TMCO1: variants seen among roughly 807,000 people sequenced by gnomAD.
The protein encoded by TMCO1 is calcium load-activated calcium channel.
A neutral mutation model predicts 29.3 loss-of-function variants in TMCO1; 29 were observed. The ratio of observed to expected loss-of-function variants is 0.99; its 90% confidence interval spans 0.74 to 1.35. The LOEUF is 1.35. Ranked by LOEUF, TMCO1 falls within the 40% of genes most tolerant of loss-of-function variation. The probability of loss-of-function intolerance (pLI) is 0.00; values close to 1 mark genes in which losing one functional copy is unlikely to be tolerated. For missense variants in TMCO1, 173 were observed against 225.5 expected (o/e 0.77, Z 1.49); for synonymous variants, 80 against 77.1 (o/e 1.04, Z -0.20).
Position 165,768,813 on chromosome 1 carries a change from G to C in TMCO1, c.-62C>G, listed in dbSNP as rs746449477. 13 of 1,611,230 alleles carry C rather than the reference G, an allele frequency of 8.1e-6. No homozygotes were observed. In the Admixed American group the frequency reaches 1.2e-4, roughly 15 times the overall value. On this transcript the variant is annotated 5_prime_UTR_variant, in exon 1 of 7. Transcript: ENST00000367881. The stretch of plus-strand genomic sequence containing the variant: ...GGAAAGCGCTCTACAGCCAGGAAAA[G>C]TGAAGCGAAAACGGCTTCCGTAGAC...
intron 2 of TMCO1, 34 bp from the exon 3 acceptor site, chr1:165,759,618 C>G: frequency 6.5e-7 from 1 of 1,548,478 alleles, no homozygotes; most frequent in Non-Finnish European, 8.9e-7. Context: ...TAAAAATTAA[C>G]TGGATTATAC....
downstream of TMCO1, chr1:165,726,488 T>A (rs889244067): frequency 5.6e-6 from 3 of 532,940 alleles, no homozygotes; most frequent in Admixed American, 4.5e-5. Flanking sequence ...ACTATTAGGC[T>A]TTACACTGGT....
At chr1:165,755,409 G>A (rs1397159850) in intron 3 of TMCO1, among the ~76,000 whole-genome samples, 1 of 152,032 alleles carries the variant, frequency 6.6e-6, no homozygotes, top group Admixed American at 6.6e-5. Flanking sequence ...GGCCATGTGT[G>A]GTAGCCCACA....
intron 3 of TMCO1, among the ~76,000 whole-genome samples, chr1:165,757,173 C>T (rs1652226550): frequency 6.6e-6 from 1 of 152,122 alleles, no homozygotes. Flanking sequence ...AAACAGTTTC[C>T]ACAATTTCTT....
chr1:165,768,343 GAGA>G (rs1298704876), intron 1 of TMCO1, 74 bp from the exon 2 acceptor site: 10 of 1,539,506 alleles, frequency 6.5e-6, no homozygotes, highest in Middle Eastern at 1.7e-4. Context: ...GTTACTGTTG[GAGA>G]AGGAGGAATT....
chr1:165,724,852 T>C, downstream of TMCO1: 1 of 453,902 alleles, frequency 2.2e-6, no homozygotes, highest in Non-Finnish European at 4.4e-6. Flanking sequence ...TATTTACAGA[T>C]AAATGATAAG....
chr1:165,754,743 C>G (rs1652131530), intron 3 of TMCO1: 2 of 164,146 alleles, frequency 1.2e-5, no homozygotes, highest in South Asian at 3.2e-4. Context: ...TGGGCAATCC[C>G]AGCTCTTTGG....
intron 5 of TMCO1, 61 bp from the exon 6 acceptor site, chr1:165,743,372 C>G (rs768814049): frequency 2.3e-5 from 35 of 1,552,862 alleles, no homozygotes; most frequent in Non-Finnish European, 3.0e-5. Context: ...TTTCTTACTT[C>G]CAAAGAAGAA....
chr1:165,725,306 G>T (rs541040942), downstream of TMCO1: 17 of 453,938 alleles, frequency 3.7e-5, no homozygotes, highest in East Asian at 1.1e-3. Flanking sequence ...TCTATCAATT[G>T]TCTGATGTAA....
rs760783276 is a variant in TMCO1 at position 165,727,961 on chromosome 1, C to G, written c.*62G>C. ...GCTACCTATGGCTCTTGCTACAAAA[C>G]AGTTGCCAGTCTGATGTGTGTGTGT... is the stretch of plus-strand genomic sequence containing the variant. On this transcript the variant is annotated 3_prime_UTR_variant, in exon 7 of 7. Coordinates refer to ENST00000367881, the MANE Select transcript of TMCO1 (RefSeq NM_019026.6). The G allele has an allele frequency of 1.2e-5, 16 of 1,316,236 alleles. No individual in the cohort carries two copies. The Admixed American group carries it at 2.8e-4, about 23-fold the overall frequency. 81.5% of individuals were successfully genotyped at this position (1,316,236 alleles called of 1,614,324 possible).
At chr1:165,756,257 G>A (rs150997317) in intron 3 of TMCO1, among the ~76,000 whole-genome samples, 15 of 152,128 alleles carry the variant, frequency 9.9e-5, no homozygotes, top group African/African-American at 3.6e-4. Context: ...TAAGGGGTTG[G>A]GAGTGGGGAA....
chr1:165,728,163 T>C (rs1650982192), intron 6 of TMCO1, 42 bp from the exon 7 acceptor site: 1 of 1,497,924 alleles, frequency 6.7e-7, no homozygotes, highest in Non-Finnish European at 9.2e-7. Context: ...TAATATCAAA[T>C]ATACAGAAGA....
At chr1:165,726,450 G>A (rs761069713), downstream of TMCO1, 1 of 576,962 alleles carries the variant, frequency 1.7e-6, no homozygotes, top group South Asian at 1.5e-5. Context: ...CCCATGAGGA[G>A]GCTGTAATAT....
At chr1:165,743,037 A>C (rs1571217661) in intron 6 of TMCO1, 130 bp downstream of exon 6, 2 of 1,139,296 alleles carry the variant, frequency 1.8e-6, no homozygotes, top group Non-Finnish European at 2.6e-6. Context: ...GATACACTGA[A>C]ATTCTAAAAT....
At chr1:165,737,705 G>C (rs570880830) in intron 6 of TMCO1, among the ~76,000 whole-genome samples, 2 of 152,194 alleles carry the variant, frequency 1.3e-5, no homozygotes, top group African/African-American at 2.4e-5. Context: ...ATGCTTAAAG[G>C]TTAAAACGAA....
At chr1:165,744,746 T>C (rs1029712671) in intron 5 of TMCO1, among the ~76,000 whole-genome samples, 1 of 139,546 alleles carries the variant, frequency 7.2e-6, no homozygotes, top group African/African-American at 2.7e-5. Flanking sequence ...GCCGAGATCA[T>C]GCCATTGCAT....
Position 165,726,847 on chromosome 1 carries a change from T to C in TMCO1, c.*1176A>G, listed in dbSNP as rs1571204966. The C allele has an allele frequency of 2.2e-6, 1 of 453,702 alleles. No homozygotes were observed. Among genetic ancestry groups the C allele is most frequent in the East Asian group, 6.9e-5 (1 of 14,396 alleles). The allele number at this position is 453,702 out of a possible 1,614,324, so 28.1% of individuals were successfully genotyped here. A position where few individuals can be genotyped will look rare whatever the true frequency, so the allele number is the denominator to read the frequency against. ...TTGCCTCCAATATTGTACATAAAAT[T>C]CTAAGTTGATACTTATTTTCCTCAG... On this transcript the variant is annotated 3_prime_UTR_variant, in exon 7 of 7. Coordinates refer to ENST00000367881, the MANE Select transcript of TMCO1 (RefSeq NM_019026.6).
intron 2 of TMCO1, among the ~76,000 whole-genome samples, chr1:165,764,036 A>T (rs1652488808): frequency 6.6e-6 from 1 of 152,258 alleles, no homozygotes; most frequent in Non-Finnish European, 1.5e-5. Flanking sequence ...GTGAAGCTCA[A>T]AATCTATAAG....
intron 4 of TMCO1, among the ~76,000 whole-genome samples, chr1:165,752,625 T>C (rs1468674956): frequency 1.3e-5 from 2 of 151,200 alleles, no homozygotes; most frequent in Admixed American, 6.6e-5. Context: ...AAACCCCATC[T>C]CTACTAAAAA....
Sources: allele counts gnomAD v4.1 joint callset (sites outside exome capture counted in the v4.1 genomes callset), GRCh38; gene constraint gnomAD v4.1.1; transcripts MANE v1.5; gene names NCBI Gene and HGNC (gene_info 2026-07-23, HGNC 2026-07-21).